The following COP1 variants were observed in gnomAD, a reference collection of about 807,000 sequenced individuals.
COP1 encodes the protein E3 ubiquitin-protein ligase COP1.
A neutral mutation model predicts 101.3 loss-of-function variants in COP1; 24 were observed. That is an observed-to-expected ratio of 0.24 (90% CI 0.17 to 0.33). The LOEUF (loss-of-function observed/expected upper bound fraction) is 0.33. COP1 is among the 10% of genes least tolerant of loss of function. The pLI, the probability that COP1 is intolerant of heterozygous loss-of-function variation, is 1.00. For synonymous variants in COP1, 347 were observed against 341.9 expected, an observed-to-expected ratio of 1.01 and a Z score of -0.17; for missense variants, 663 against 906.2, an observed-to-expected ratio of 0.73 and a Z score of 3.45.
intron 11 of COP1, among the ~76,000 whole-genome samples, chr1:176,078,873 A>G (rs983670614): frequency 6.6e-6 from 1 of 152,236 alleles, no homozygotes; most frequent in Non-Finnish European, 1.5e-5. Context: ...ACAAGTCGCC[A>G]ACAAGCATAT....
intron 18 of COP1, among the ~76,000 whole-genome samples, chr1:175,969,679 T>A (rs973046387): frequency 6.6e-6 from 1 of 152,200 alleles, no homozygotes; most frequent in Non-Finnish European, 1.5e-5. Context: ...AAAACTTCTA[T>A]GTCATGTAAA....
At chr1:176,142,427 T>G (rs1036947884) in intron 6 of COP1, among the ~76,000 whole-genome samples, 1 of 151,936 alleles carries the variant, frequency 6.6e-6, no homozygotes, top group African/African-American at 2.4e-5. Flanking sequence ...TCTGGCAGAG[T>G]AGATTTACAA....
intron 18 of COP1, among the ~76,000 whole-genome samples, chr1:175,955,514 A>G (rs564605831): frequency 6.6e-5 from 10 of 152,134 alleles, no homozygotes; most frequent in Non-Finnish European, 1.2e-4. Context: ...AGAAAAGGAA[A>G]AAGCATATGG....
chr1:176,150,359 C>A (rs1040314131), intron 5 of COP1, among the ~76,000 whole-genome samples: 4 of 152,226 alleles, frequency 2.6e-5, no homozygotes, highest in Non-Finnish European at 5.9e-5. Context: ...TGTTTTACAA[C>A]TGAATAAATT....
At chr1:176,052,878 A>T (rs528616111) in intron 11 of COP1, among the ~76,000 whole-genome samples, 1 of 152,156 alleles carries the variant, frequency 6.6e-6, no homozygotes, top group African/African-American at 2.4e-5. Flanking sequence ...CCATCATTTC[A>T]TATCAGCACA....
At chr1:176,167,950 G>C (rs1695386596) in intron 3 of COP1, among the ~76,000 whole-genome samples, 1 of 144,574 alleles carries the variant, frequency 6.9e-6, no homozygotes, top group Admixed American at 6.9e-5. Context: ...ACTTTTATAT[G>C]CATCAGCCAT....
intron 11 of COP1, among the ~76,000 whole-genome samples, chr1:176,060,691 C>T (rs115678452): frequency 4.7e-4 from 72 of 152,212 alleles, no homozygotes; most frequent in African/African-American, 1.7e-3. Flanking sequence ...AACCTTAAAA[C>T]TATGATATAA....
chr1:176,198,069 T>C (rs945758770), intron 1 of COP1, among the ~76,000 whole-genome samples: 19 of 152,170 alleles, frequency 1.2e-4, no homozygotes, highest in African/African-American at 4.3e-4. Context: ...GATGTCATCT[T>C]CCCAAATGAA....
intron 15 of COP1, among the ~76,000 whole-genome samples, chr1:176,016,555 CCTT>C (rs976510174): frequency 1.3e-5 from 2 of 152,078 alleles, no homozygotes; most frequent in Admixed American, 6.5e-5. Flanking sequence ...TCTTTCTTCT[CCTT>C]CTCTGTCTCT....
chr1:176,151,383 AAGAAAG>A (rs1160103402), intron 5 of COP1, among the ~76,000 whole-genome samples: 3 of 117,256 alleles, frequency 2.6e-5, no homozygotes, highest in African/African-American at 5.2e-5. Context: ...GAAAGAAAGA[AAGAAAG>A]AAAGAAAGAA....
intron 5 of COP1, among the ~76,000 whole-genome samples, chr1:176,151,286 GA>G (rs1692395912): frequency 1.4e-5 from 2 of 143,696 alleles, no homozygotes; most frequent in Non-Finnish European, 1.5e-5. Flanking sequence ...AGGAAGGAAG[GA>G]AGGAGAGAAA....
chr1:176,099,975 T>C (rs939306178), intron 9 of COP1, among the ~76,000 whole-genome samples: 2 of 152,276 alleles, frequency 1.3e-5, no homozygotes, highest in South Asian at 2.1e-4. Context: ...TCCAAGCCAA[T>C]CTAAAAGGCC....
intron 1 of COP1, among the ~76,000 whole-genome samples, chr1:176,189,128 G>A (rs918401398): frequency 1.3e-5 from 2 of 151,994 alleles, no homozygotes; most frequent in Non-Finnish European, 2.9e-5. Context: ...AACCTTAAAG[G>A]CAGCCCTAGA....
chr1:175,998,084 AAAAAAAG>A (rs1349936013), intron 15 of COP1, among the ~76,000 whole-genome samples: 4,421 of 136,314 alleles, frequency 0.032, 109 homozygotes, highest in Admixed American at 0.055. Flanking sequence ...AAAAAAAAAA[AAAAAAAG>A]AAAATGTGGC....
chr1:176,048,854 C>CT (rs1671973879), intron 11 of COP1, among the ~76,000 whole-genome samples: 1 of 152,188 alleles, frequency 6.6e-6, no homozygotes, highest in Non-Finnish European at 1.5e-5. Flanking sequence ...AGGGAGAAAA[C>CT]TGACACATAA....
chr1:176,035,027 A>T (rs2149116683), intron 14 of COP1, among the ~76,000 whole-genome samples: 1 of 152,340 alleles, frequency 6.6e-6, no homozygotes, highest in East Asian at 1.9e-4. Flanking sequence ...AAAATGGCTA[A>T]GAGACAACCC....
chr1:176,144,798 G>A (rs1691306417), intron 6 of COP1, among the ~76,000 whole-genome samples: 1 of 152,068 alleles, frequency 6.6e-6, no homozygotes, highest in African/African-American at 2.4e-5. Context: ...TTTTAATAAA[G>A]GATGCTTGGG....
chr1:176,194,856 G>A (rs1265805627), intron 1 of COP1, among the ~76,000 whole-genome samples: 1 of 151,764 alleles, frequency 6.6e-6, no homozygotes, highest in African/African-American at 2.4e-5. Flanking sequence ...CAGGAGAATC[G>A]CTTGAGCCCA....
At position 176,161,559 on chromosome 1, in the gene COP1, C is replaced by T. The variant is rs143003682; in HGVS notation, c.762+1310G>A. Among the ~76,000 whole-genome samples the T allele has an allele frequency of 2.1e-3, 321 of 152,152 alleles. 1 individual carries two copies. Among genetic ancestry groups the T allele is most frequent in the African/African-American group, 7.5e-3 (313 of 41,514 alleles). ...GATGCAGTGAGCTATGACTGTACCA[C>T]TGCACTCCAGACTGGGTGGGTGACA... On this transcript the variant is annotated intron_variant, in intron 5 of 19. Coordinates refer to ENST00000367669, the MANE Select transcript of COP1 (RefSeq NM_022457.7).
Sources: gnomAD v4.1 joint callset for allele counts (sites outside exome capture counted in the v4.1 genomes callset) on GRCh38, gnomAD v4.1.1 for gene constraint, MANE v1.5 for transcripts, NCBI Gene and HGNC (gene_info 2026-07-23, HGNC 2026-07-21) for gene names.